The following MVP variants were observed in gnomAD, a reference collection of about 807,000 sequenced individuals.
MVP encodes the protein lung resistance-related protein.
In MVP, 62 loss-of-function variants were observed where a neutral mutation model predicts 83.5. The ratio of observed to expected loss-of-function variants is 0.74; its 90% CI spans 0.61 to 0.92. The LOEUF is 0.92. Among genes scored for constraint, MVP ranks in the 40% least tolerant of loss-of-function variants. The probability of loss-of-function intolerance (pLI) is 0.00; values close to 1 mark genes in which losing one functional copy is unlikely to be tolerated. For synonymous variants in MVP, 505 were observed against 504.1 expected, an observed-to-expected ratio of 1.00 and a Z score of -0.02; for missense variants, 1,000 against 1,203.4, an observed-to-expected ratio of 0.83 and a Z score of 2.50.
At position 29,836,965 on chromosome 16, in the gene MVP, T is replaced by C. The variant is rs373892463; in HGVS notation, c.909+7T>C. On this transcript the variant is annotated splice_region_variant and intron_variant, in intron 7 of 14. Coordinates refer to ENST00000357402, the MANE Select transcript of MVP (RefSeq NM_005115.5). The stretch of plus-strand genomic sequence containing the variant: ...GCAGAAGCGCGTGGTCAAGGTGAGG[T>C]CCCTACACCCCCACAGAGGACTGCC... 4 of 1,603,422 alleles carry C rather than the reference T, an allele frequency of 2.5e-6. No individual in the cohort carries two copies. The highest frequency in any genetic ancestry group is 3.4e-6 in the Non-Finnish European group (4 of 1,172,962).
intron 1 of MVP, among the ~76,000 whole-genome samples, chr16:29,824,823 C>T (rs1295258451): frequency 6.6e-6 from 1 of 152,056 alleles, no homozygotes; most frequent in East Asian, 1.9e-4. Context: ...GAAGTAGTGA[C>T]TCATGACTCG....
chr16:29,831,392 G>A (rs1270268508), intron 3 of MVP, among the ~76,000 whole-genome samples: 1 of 152,140 alleles, frequency 6.6e-6, no homozygotes, highest in Non-Finnish European at 1.5e-5. Flanking sequence ...GACCCCAGGT[G>A]ATCCACCTGC....
chr16:29,846,847 G>A (rs892840265), intron 13 of MVP, among the ~76,000 whole-genome samples: 4 of 151,908 alleles, frequency 2.6e-5, no homozygotes, highest in African/African-American at 7.3e-5. Flanking sequence ...GGCAACAAGA[G>A]TGAAACTCCA....
chr16:29,846,629 G>A (rs1447200672), intron 13 of MVP, among the ~76,000 whole-genome samples: 21 of 152,148 alleles, frequency 1.4e-4, no homozygotes, highest in Non-Finnish European at 2.2e-4. Context: ...AGGCCGAGGC[G>A]GGTGGATCAC....
At chr16:29,832,596 C>CTTTT (rs1177021376) in intron 3 of MVP, among the ~76,000 whole-genome samples, 2 of 122,800 alleles carry the variant, frequency 1.6e-5, no homozygotes, top group Admixed American at 8.5e-5. Flanking sequence ...CGCGCCTGGC[C>CTTTT]TTTTTTTTTT....
intron 3 of MVP, chr16:29,833,314 T>G (rs2067458775): frequency 5.9e-6 from 1 of 168,288 alleles, no homozygotes; most frequent in African/African-American, 2.4e-5. Flanking sequence ...TCTGAACTCC[T>G]GAGACAGGGT....
Position 29,844,532 on chromosome 16 carries a change from G to C in MVP, c.1674G>C (p.Thr558=), listed in dbSNP as rs750832727. The C allele has an allele frequency of 1.3e-6, 2 of 1,567,452 alleles. No individual in the cohort carries two copies. The highest frequency in any genetic ancestry group is 1.7e-6 in the Non-Finnish European group (2 of 1,155,390). ...EVNDRKDPQE[T]AKLFSVPDFV... is the part of the protein sequence containing the mutation. ...ATGACCGGAAGGACCCCCAAGAGAC[G>C]GCCAAGCTCTTTTCAGTGCCAGACT... Residue 558 remains threonine, a synonymous_variant, in exon 11 of 15, where the codon ACG becomes ACC. Transcript: ENST00000357402.
At chr16:29,844,903 T>A in intron 11 of MVP, 24 bp downstream of exon 11, 1 of 1,581,120 alleles carries the variant, frequency 6.3e-7, no homozygotes, top group Non-Finnish European at 8.5e-7. Flanking sequence ...GGAGCTCGGC[T>A]GCCTATAATG....
At chr16:29,822,393 G>A (rs1057452) in intron 1 of MVP, among the ~76,000 whole-genome samples, 20,100 of 152,062 alleles carry the variant, frequency 0.13, 1,381 homozygotes, top group Non-Finnish European at 0.15. Flanking sequence ...GGGTAAACCA[G>A]GAAGCCGCTG....
chr16:29,832,897 T>A (rs556164412), intron 3 of MVP, among the ~76,000 whole-genome samples: 1 of 152,042 alleles, frequency 6.6e-6, no homozygotes, highest in East Asian at 2.0e-4. Context: ...AAAACCCATC[T>A]CTACTAAACA....
chr16:29,845,302 C>T (rs948506898), intron 11 of MVP, among the ~76,000 whole-genome samples: 11 of 152,048 alleles, frequency 7.2e-5, no homozygotes, highest in African/African-American at 9.7e-5. Flanking sequence ...CGGCCTCCCC[C>T]GATTTGCCTT....
chr16:29,833,895 A>G, intron 4 of MVP, 39 bp downstream of exon 4: 2 of 1,614,102 alleles, frequency 1.2e-6, no homozygotes, highest in Non-Finnish European at 1.7e-6. Context: ...CCTTCCTGTC[A>G]TAGCCCTGAT....
chr16:29,840,510 G>A lies in MVP; in HGVS notation c.1191+51G>A, dbSNP rs369539760. On this transcript the variant is annotated intron_variant, in intron 8 of 14. Transcript: ENST00000357402. ...GCTGCCACGTGGCCTTGGCCTTGGT[G>A]GCGGCTTCCTCTGGGTGTGTGGAAG... 1.4e-5 allele frequency: 22 copies of A among 1,521,782 alleles called. No homozygotes were observed. The East Asian group carries it at 1.7e-4, about 12-fold the overall frequency. The allele number at this position is 1,521,782 out of a possible 1,614,324, so 94.3% of individuals were successfully genotyped here.
At chr16:29,831,098 GCC>G in intron 3 of MVP, 25 bp downstream of exon 3, 1 of 1,599,066 alleles carries the variant, frequency 6.3e-7, no homozygotes, top group Non-Finnish European at 8.5e-7. Context: ...CACTCCCTAT[GCC>G]CCACCCTACC....
intron 1 of MVP, among the ~76,000 whole-genome samples, chr16:29,821,694 G>T (rs575396825): frequency 1.3e-5 from 2 of 152,306 alleles, no homozygotes; most frequent in African/African-American, 4.8e-5. Context: ...TTCCGGCTCC[G>T]TCCTTTGATA....
intron 12 of MVP, 24 bp downstream of exon 12, chr16:29,846,003 G>T: frequency 6.2e-7 from 1 of 1,613,858 alleles, no homozygotes; most frequent in South Asian, 1.1e-5. Context: ...TAGAGGAGGA[G>T]ACTGGCAGGG....
Position 29,840,444 on chromosome 16 carries a change from T to C in MVP, c.1176T>C (p.Asp392=). The change falls in exon 8 of 15, where the codon GAT becomes GAC. Residue 392 remains aspartate (D), a synonymous_variant. Transcript: ENST00000357402. ...LDENEGIYVQ[D]VKTGKVRAVI... is the part of the protein sequence containing the mutation. ...AGAACGAGGGCATCTATGTGCAGGA[T>C]GTCAAGACCGGAAAGGTAATGGCTG... 6.4e-7 allele frequency: 1 copy of C among 1,572,084 alleles called. No individual in the cohort carries two copies. Among genetic ancestry groups the C allele is most frequent in the Non-Finnish European group, 8.6e-7 (1 of 1,158,542 alleles).
intron 7 of MVP, among the ~76,000 whole-genome samples, chr16:29,838,226 G>A (rs2067504334): frequency 6.6e-6 from 1 of 151,922 alleles, no homozygotes; most frequent in South Asian, 2.1e-4. Context: ...TTGAGGTCAG[G>A]AGTTAGAAAC....
chr16:29,847,850 T>TG lies in MVP; in HGVS notation c.2544dup (p.Leu849AlafsTer50). 6.2e-7 allele frequency: 1 copy of TG among 1,614,184 alleles called. No individual in the cohort carries two copies. The highest frequency in any genetic ancestry group is 1.1e-5 in the South Asian group (1 of 91,084). On this transcript the variant is annotated frameshift_variant, in exon 15 of 15. Transcript: ENST00000357402. LOFTEE classifies it low-confidence loss of function (END_TRUNC). Reference sequence around the variant, plus strand: ...AACCTCTTCAACACAGCCTTTGGGCTGCTGGGGATGGGGCCCGAGGGTCAG... The same window carrying TG: ...AACCTCTTCAACACAGCCTTTGGGCTGGCTGGGGATGGGGCCCGAGGGTCAG...
Sources: allele counts gnomAD v4.1 joint callset (sites outside exome capture counted in the v4.1 genomes callset), GRCh38; gene constraint gnomAD v4.1.1; transcripts MANE v1.5; gene names NCBI Gene and HGNC (gene_info 2026-07-23, HGNC 2026-07-21).